The following HERC2 variants were observed in gnomAD, a reference collection of about 807,000 sequenced individuals.
HERC2 encodes E3 ubiquitin-protein ligase HERC2.
A neutral mutation model predicts 537.7 loss-of-function variants in HERC2; 102 were observed. The ratio of observed to expected loss-of-function variants is 0.19; its 90% CI spans 0.16 to 0.22. The LOEUF is 0.22. Ranked by LOEUF, HERC2 falls within the 10% of genes least tolerant of loss-of-function variation. The probability of loss-of-function intolerance (pLI) is 1.00; values close to 1 mark genes in which losing one functional copy is unlikely to be tolerated. For synonymous variants in HERC2, 2,224 were observed against 2,466.2 expected, an observed-to-expected ratio of 0.90 and a Z score of 2.91; for missense variants, 4,236 against 6,198.2, an observed-to-expected ratio of 0.68 and a Z score of 10.63.
In HERC2 at chr15:28,304,165, C is replaced by CAAAAAAAAAAAAAAAAAAAA. The variant is rs779514776; in HGVS notation, c.73-4669_73-4650dup. ...TGGGCCACAGAGTGAGACTCCATCT[C>CAAAAAAAAAAAAAAAAAAAA]AAAAAAAAAAAAAAAAAAAAAAAAA... On this transcript the variant is annotated intron_variant, in intron 2 of 92. Coordinates refer to ENST00000261609, the MANE Select transcript of HERC2 (RefSeq NM_004667.6). 3.1e-5 allele frequency among the ~76,000 whole-genome samples: 2 copies of CAAAAAAAAAAAAAAAAAAAA among 63,816 alleles called. 1 individual carries two copies. Among genetic ancestry groups the CAAAAAAAAAAAAAAAAAAAA allele is most frequent in the African/African-American group, 1.1e-4 (2 of 18,052 alleles). 41.9% of individuals were successfully genotyped at this position (63,816 alleles called of 152,430 possible).
In HERC2 at chr15:28,218,776, G is replaced by T. The variant is rs1016932311; in HGVS notation, c.5846-105C>A. On this transcript the variant is annotated intron_variant, in intron 37 of 92. Transcript: ENST00000261609. ...AATATTACATTCTTGTTTTATTGAA[G>T]ACTTGAATTTTAGTGCAGTTTTAGG... The T allele has an allele frequency of 5.1e-5, 54 of 1,049,418 alleles. No individual in the cohort carries two copies. In the African/African-American group the frequency reaches 7.9e-4, roughly 15 times the overall value. The allele number at this position is 1,049,418 out of a possible 1,614,324, so 65.0% of individuals were successfully genotyped here.
Position 28,245,564 on chromosome 15 carries a change from TATACACACAC to T in HERC2, c.3577+307_3577+316del, listed in dbSNP as rs1351428636. Among the ~76,000 whole-genome samples, 88 of 108,954 alleles carry T rather than the reference TATACACACAC, an allele frequency of 8.1e-4. 2 individuals carry two copies. The highest frequency in any genetic ancestry group is 3.2e-3 in the African/African-American group (63 of 19,588). 71.5% of individuals were successfully genotyped at this position (108,954 alleles called of 152,430 possible). On this transcript the variant is annotated intron_variant, in intron 23 of 92. Coordinates refer to ENST00000261609, the MANE Select transcript of HERC2 (RefSeq NM_004667.6). ...GTAGTGTCAAAAAAAAAAAAAAATA[TATACACACAC>T]ACACACACACACACACACACACACA... is the stretch of plus-strand genomic sequence containing the variant.
chr15:28,269,900 C>T (rs1349894411), intron 10 of HERC2, among the ~76,000 whole-genome samples: 2 of 152,246 alleles, frequency 1.3e-5, no homozygotes, highest in Non-Finnish European at 2.9e-5. Flanking sequence ...GGCACACACA[C>T]GTGCACACAT....
At chr15:28,116,898 A>G (rs1168265352) in intron 87 of HERC2, 39 bp from the exon 88 acceptor site, 1 of 1,608,126 alleles carries the variant, frequency 6.2e-7, no homozygotes, top group Admixed American at 1.7e-5. Context: ...CCCCTCACAC[A>G]GTCCTGTGTA....
intron 65 of HERC2, among the ~76,000 whole-genome samples, chr15:28,171,944 A>G (rs1336752430): frequency 2.6e-5 from 4 of 151,266 alleles, no homozygotes; most frequent in African/African-American, 9.8e-5. Flanking sequence ...GCGTGGTGGC[A>G]GGTGCCTGTG....
In HERC2 at chr15:28,196,463, A is replaced by C. The variant is rs752505815; in HGVS notation, c.8118T>G (p.Val2706=). Residue 2706 remains valine (V), a splice_region_variant and synonymous_variant, in exon 51 of 93, where the codon GTT becomes GTG. Coordinates refer to ENST00000261609, the MANE Select transcript of HERC2 (RefSeq NM_004667.6). ...MELVPSIHPG[V]TCDGCQMFPI... Reference sequence around the variant, plus strand: ...TAGCAACCATAAAAATAACTCACGTAACCCCAGGATGAATACTGGGTACCA... The same window carrying C: ...TAGCAACCATAAAAATAACTCACGTCACCCCAGGATGAATACTGGGTACCA... 1.9e-6 allele frequency: 3 copies of C among 1,609,004 alleles called. No individual in the cohort carries two copies. The highest frequency in any genetic ancestry group is 2.6e-6 in the Non-Finnish European group (3 of 1,175,904).
chr15:28,185,741 G>A (rs1416449511), intron 56 of HERC2, among the ~76,000 whole-genome samples: 1 of 152,158 alleles, frequency 6.6e-6, no homozygotes, highest in South Asian at 2.1e-4. Flanking sequence ...TATGGCCTGG[G>A]GGGAAGTTTT....
In HERC2 at chr15:28,201,511, C is replaced by T; in HGVS notation, c.7661G>A (p.Arg2554Gln). 1 of 1,613,682 alleles carries T rather than the reference C, an allele frequency of 6.2e-7. No homozygotes were observed. Among genetic ancestry groups the T allele is most frequent in the East Asian group, 2.2e-5 (1 of 44,878 alleles). Residue 2554 changes from arginine (R) to glutamine (Q), a missense_variant, in exon 48 of 93, where the codon CGA (arginine) becomes CAA (glutamine). Arg to Gln is a conservative substitution (Grantham distance 43, BLOSUM62 1). Transcript: ENST00000261609. ...ATCATCATTACTCAAGAAATCAGCT[C>T]GTTTTTTGTACGTCTGGCTCTCCGT... ...VVTESQTYKK[R>Q]ADFLSNDDYA...
rs1015051782 is a variant in HERC2, at chr15:28,292,247, A to C, written c.322+641T>G. ...TCCATCTCCAAAAAAAAAAAAAAAA[A>C]AAAAAACCAGGCAAAGTATTTGAAT... On this transcript the variant is annotated intron_variant, in intron 4 of 92. Coordinates refer to ENST00000261609, the MANE Select transcript of HERC2 (RefSeq NM_004667.6). Among the ~76,000 whole-genome samples, 48 of 151,814 alleles carry C rather than the reference A, an allele frequency of 3.2e-4. 1 individual carries two copies. The highest frequency in any genetic ancestry group is 5.6e-4 in the Non-Finnish European group (38 of 67,910).
chr15:28,313,561 T>C (rs1425655581), intron 2 of HERC2, among the ~76,000 whole-genome samples: 22 of 152,232 alleles, frequency 1.4e-4, no homozygotes, highest in African/African-American at 5.3e-4. Context: ...CTGATTAATG[T>C]ATAGGTTAGA....
At chr15:28,131,764 C>T (rs4778140) in intron 81 of HERC2, among the ~76,000 whole-genome samples, 128,261 of 152,114 alleles carry the variant, frequency 0.84, 57,819 homozygotes, top group Non-Finnish European at 0.99. Flanking sequence ...CCACTGTAAA[C>T]TGAGAGAGTG....
intron 2 of HERC2, among the ~76,000 whole-genome samples, chr15:28,304,861 TC>T (rs1163438098): frequency 2.3e-4 from 9 of 38,938 alleles, no homozygotes; most frequent in Admixed American, 2.3e-3. Context: ...CCCTCCCCCC[TC>T]CCCCCACCCC....
chr15:28,236,325 T>C (rs1008287966), intron 26 of HERC2, among the ~76,000 whole-genome samples: 68 of 152,214 alleles, frequency 4.5e-4, no homozygotes, highest in African/African-American at 1.5e-3. Context: ...AGTCTCGCTC[T>C]TGTCACCAAG....
intron 69 of HERC2, among the ~76,000 whole-genome samples, chr15:28,159,105 C>T (rs1000478104): frequency 7.2e-5 from 11 of 152,276 alleles, no homozygotes; most frequent in East Asian, 1.9e-4. Context: ...CCCAGAGATC[C>T]GCTGTTAGTC....
At chr15:28,266,521 A>G (rs1428236020) in intron 12 of HERC2, among the ~76,000 whole-genome samples, 1 of 152,156 alleles carries the variant, frequency 6.6e-6, no homozygotes, top group African/African-American at 2.4e-5. Flanking sequence ...ATCTCAAAAA[A>G]AAAGAGACTT....
intron 26 of HERC2, among the ~76,000 whole-genome samples, chr15:28,235,954 GT>G (rs1902393418): frequency 6.6e-6 from 1 of 152,132 alleles, no homozygotes; most frequent in African/African-American, 2.4e-5. Context: ...ATTTTAGGTG[GT>G]TACAAAGGCT....
chr15:28,147,317 A>T (rs1891852252), intron 70 of HERC2, among the ~76,000 whole-genome samples: 1 of 152,268 alleles, frequency 6.6e-6, no homozygotes, highest in South Asian at 2.1e-4. Flanking sequence ...ATCATGAAGT[A>T]ATAGCTTCAA....
In HERC2 at chr15:28,141,497, T is replaced by C. The variant is rs750058947; in HGVS notation, c.11950A>G (p.Thr3984Ala). The change falls in exon 78 of 93, where the codon ACT becomes GCT. Residue 3984 changes from threonine to alanine, a missense_variant. Physicochemically the swap from Thr to Ala is moderately conservative, Grantham distance 58. Around this residue, in one of 27 missense-constraint regions of HERC2, gnomAD observed 156 missense variants for 172.3 expected, o/e 0.91. Coordinates refer to ENST00000261609, the MANE Select transcript of HERC2 (RefSeq NM_004667.6). ...KVPTPCEALA[T>A]LRPVQLIGGE... ...CCGATTAACTGCACGGGTCTGAGAG[T>C]TGCAAGGGCTTCACAGGGAGTGGGA... The C allele has an allele frequency of 3.3e-5, 54 of 1,613,902 alleles. 1 individual carries two copies. Among genetic ancestry groups the C allele is most frequent in the South Asian group, 3.3e-4 (30 of 91,078 alleles).
intron 39 of HERC2, among the ~76,000 whole-genome samples, 191 bp from the exon 40 acceptor site, chr15:28,214,993 G>A (rs1194460808): frequency 6.6e-6 from 1 of 152,100 alleles, no homozygotes; most frequent in Non-Finnish European, 1.5e-5. Flanking sequence ...CCTTGCTTCA[G>A]CTTCCTGAGT....
Sources: allele counts gnomAD v4.1 joint callset (sites outside exome capture counted in the v4.1 genomes callset), GRCh38; gene constraint gnomAD v4.1.1; regional missense constraint gnomAD v4.1.1; transcripts MANE v1.5; gene names NCBI Gene and HGNC (gene_info 2026-07-23, HGNC 2026-07-21).